The following FRYL variants were observed in gnomAD, a reference collection of about 807,000 sequenced individuals.
FRYL encodes the protein protein furry homolog-like.
FRYL carries 150 observed loss-of-function variants against 351.2 expected under a neutral mutation model. That is an observed-to-expected ratio of 0.43 (90% CI 0.37 to 0.49). The LOEUF (loss-of-function observed/expected upper bound fraction) is 0.49. Ranked by LOEUF, FRYL falls within the 20% of genes least tolerant of loss-of-function variation. The pLI is 0.00. For synonymous variants in FRYL, 1,153 were observed against 1,257.1 expected (o/e 0.92, Z 1.75); for missense variants, 3,036 against 3,619.3 (o/e 0.84, Z 4.13).
chr4:48,620,598 GTGT>G lies in FRYL; in HGVS notation c.314+38_314+40del, dbSNP rs746675122. ...ATAATATCACCCCTTCATTGGAAGT[GTGT>G]TAATTCCAGGTGAAACAGTGTAAAA... On this transcript the variant is annotated intron_variant, in intron 6 of 63. Transcript: ENST00000358350. The G allele has an allele frequency of 1.9e-6, 3 of 1,559,344 alleles. No homozygotes were observed. The Admixed American group carries it at 5.3e-5, about 28-fold the overall frequency.
At chr4:48,536,914 A>G (rs979548160) in intron 47 of FRYL, among the ~76,000 whole-genome samples, 1 of 152,186 alleles carries the variant, frequency 6.6e-6, no homozygotes, top group Non-Finnish European at 1.5e-5. Context: ...GAACAAGCAC[A>G]AAATATAAAG....
intron 2 of FRYL, among the ~76,000 whole-genome samples, chr4:48,700,661 G>T (rs1474487593): frequency 6.6e-6 from 1 of 150,750 alleles, no homozygotes; most frequent in Non-Finnish European, 1.5e-5. Context: ...TCCTAGCCAG[G>T]CATGGTGGTG....
At chr4:48,712,221 T>C (rs1017008308) in intron 1 of FRYL, among the ~76,000 whole-genome samples, 1 of 152,158 alleles carries the variant, frequency 6.6e-6, no homozygotes, top group African/African-American at 2.4e-5. Context: ...GGGCAGAGAA[T>C]GACTTTGACG....
At chr4:48,639,010 A>G (rs1754816334) in intron 3 of FRYL, among the ~76,000 whole-genome samples, 1 of 152,106 alleles carries the variant, frequency 6.6e-6, no homozygotes, top group African/African-American at 2.4e-5. Context: ...AATGTAGATG[A>G]CGGGTTGATG....
At chr4:48,603,777 C>T (rs1392239902) in intron 11 of FRYL, among the ~76,000 whole-genome samples, 2 of 152,220 alleles carry the variant, frequency 1.3e-5, no homozygotes, top group African/African-American at 4.8e-5. Flanking sequence ...CTCCCACCCT[C>T]TGACCATGTG....
intron 1 of FRYL, among the ~76,000 whole-genome samples, chr4:48,767,767 G>A (rs550247771): frequency 6.6e-6 from 1 of 152,298 alleles, no homozygotes; most frequent in South Asian, 2.1e-4. Flanking sequence ...CATCTTGGGT[G>A]GTGGGAAGCA....
chr4:48,520,369 G>C (rs2148822095), intron 55 of FRYL, among the ~76,000 whole-genome samples: 1 of 152,182 alleles, frequency 6.6e-6, no homozygotes, highest in South Asian at 2.1e-4. Context: ...CTGATACCTA[G>C]ATTAGATCTA....
intron 5 of FRYL, 38 bp from the exon 6 acceptor site, chr4:48,620,816 C>G: frequency 6.4e-7 from 1 of 1,569,018 alleles, no homozygotes; most frequent in Non-Finnish European, 8.7e-7. Flanking sequence ...TAAATTGTAA[C>G]ACTGAATGTA....
rs780067881 is a variant in FRYL at position 48,593,960 on chromosome 4, T to C, written c.1305A>G (p.Lys435=). Residue 435 remains lysine, a synonymous_variant, in exon 16 of 64, where the codon AAA becomes AAG. Transcript: ENST00000358350. ...EIIFDLLSVG[K]STKTFTINPE... is the part of the protein sequence containing the mutation. ...GATTAATGGTGAAAGTTTTAGTAGATTTTCCAACACTGAGAAGATCAAATA... is the reference window on the plus strand; with the variant it reads ...GATTAATGGTGAAAGTTTTAGTAGACTTTCCAACACTGAGAAGATCAAATA... The C allele has an allele frequency of 2.0e-6, 3 of 1,467,792 alleles. No individual in the cohort carries two copies. The highest frequency in any genetic ancestry group is 2.6e-5 in the East Asian group (1 of 38,740). 90.9% of individuals were successfully genotyped at this position (1,467,792 alleles called of 1,614,324 possible).
At chr4:48,507,216 TTC>T (rs1560505223) in intron 59 of FRYL, among the ~76,000 whole-genome samples, 4 of 152,202 alleles carry the variant, frequency 2.6e-5, no homozygotes, top group African/African-American at 9.6e-5. Flanking sequence ...CTGATTTTTA[TTC>T]TGTTAAAAGA....
At chr4:48,557,736 A>T in intron 33 of FRYL, 24 bp from the exon 34 acceptor site, 1 of 1,609,526 alleles carries the variant, frequency 6.2e-7, no homozygotes, top group Non-Finnish European at 8.5e-7. Context: ...CAAGTCAAAG[A>T]TAACTGATGT....
At chr4:48,507,730 T>G (rs1253112739) in intron 59 of FRYL, among the ~76,000 whole-genome samples, 4 of 152,118 alleles carry the variant, frequency 2.6e-5, no homozygotes, top group Admixed American at 2.6e-4. Flanking sequence ...GATAGATAGA[T>G]AGATAGATCG....
chr4:48,594,903 T>C (rs1744284458), intron 15 of FRYL, among the ~76,000 whole-genome samples: 1 of 152,156 alleles, frequency 6.6e-6, no homozygotes, highest in Non-Finnish European at 1.5e-5. Flanking sequence ...CTTCCTTTAC[T>C]GCAGAGGCTA....
intron 1 of FRYL, among the ~76,000 whole-genome samples, chr4:48,777,451 G>T (rs1442804727): frequency 6.6e-6 from 1 of 152,226 alleles, no homozygotes; most frequent in South Asian, 2.1e-4. Flanking sequence ...ACATTTATTG[G>T]GTACTAAAAA....
chr4:48,621,281 C>T (rs1219415191), intron 5 of FRYL, among the ~76,000 whole-genome samples: 1 of 152,172 alleles, frequency 6.6e-6, no homozygotes, highest in Admixed American at 6.5e-5. Flanking sequence ...AATTACTCTG[C>T]TATCTGCAAA....
intron 1 of FRYL, among the ~76,000 whole-genome samples, chr4:48,763,255 A>C (rs536895767): frequency 6.6e-6 from 1 of 152,138 alleles, no homozygotes; most frequent in Non-Finnish European, 1.5e-5. Context: ...TGAGGCCAAG[A>C]GTTTGAGACC....
At position 48,766,952 on chromosome 4, in the gene FRYL, A is replaced by C. The variant is rs528252902; in HGVS notation, c.-384+13126T>G. ...AAATTATGAATTTTGATGTTAAAAA[A>C]CAGATGAATGGATAAAAAATCATAA... On this transcript the variant is annotated intron_variant, in intron 1 of 63. Transcript: ENST00000358350. 1.2e-4 allele frequency among the ~76,000 whole-genome samples: 18 copies of C among 148,980 alleles called. No homozygotes were observed. In the South Asian group the frequency reaches 3.8e-3, roughly 31 times the overall value.
intron 1 of FRYL, among the ~76,000 whole-genome samples, chr4:48,755,545 C>T (rs978501315): frequency 3.3e-5 from 5 of 152,134 alleles, no homozygotes; most frequent in Non-Finnish European, 7.4e-5. Flanking sequence ...CAGAGAGAAA[C>T]GTTGCAAAAT....
At chr4:48,754,525 A>G (rs1334560631) in intron 1 of FRYL, among the ~76,000 whole-genome samples, 1 of 152,166 alleles carries the variant, frequency 6.6e-6, no homozygotes, top group African/African-American at 2.4e-5. Flanking sequence ...TTTGAGTCAT[A>G]TGACAATTTC....
Sources: gnomAD v4.1 joint callset for allele counts (sites outside exome capture counted in the v4.1 genomes callset) on GRCh38, gnomAD v4.1.1 for gene constraint, MANE v1.5 for transcripts, NCBI Gene and HGNC (gene_info 2026-07-23, HGNC 2026-07-21) for gene names.